Variants in TMCO5A observed in about 807,000 individuals in gnomAD.
TMCO5A encodes the protein transmembrane and coiled-coil domains 5A, also known as transmembrane and coiled-coil domain-containing protein 5A.
In TMCO5A, 34 loss-of-function variants were observed where a neutral mutation model predicts 42.3. That is an observed-to-expected ratio of 0.80 (90% CI 0.61 to 1.07). The LOEUF (loss-of-function observed/expected upper bound fraction) is 1.07. TMCO5A is among the 50% of genes least tolerant of loss of function. The pLI is 0.00. For missense variants in TMCO5A, 357 were observed against 327.9 expected, an observed-to-expected ratio of 1.09 and a Z score of -0.69; for synonymous variants, 131 against 115.6, an observed-to-expected ratio of 1.13 and a Z score of -0.86.
the TMCO5A span, among the ~76,000 whole-genome samples, chr15:38,002,078 A>G: frequency 6.6e-6 from 1 of 152,060 alleles, no homozygotes; most frequent in Non-Finnish European, 1.5e-5. Flanking sequence ...GAGGAAGTGG[A>G]TTTAGCATTT....
chr15:37,980,742 T>C, the TMCO5A span, among the ~76,000 whole-genome samples: 1 of 149,716 alleles, frequency 6.7e-6, no homozygotes, highest in Non-Finnish European at 1.5e-5. Context: ...TCCCACTGGG[T>C]GGCCAATGCT....
At chr15:37,964,978 A>G (rs1003532664) in intron 11 of TMCO5A, among the ~76,000 whole-genome samples, 2 of 152,184 alleles carry the variant, frequency 1.3e-5, no homozygotes, top group Admixed American at 6.6e-5. Context: ...GAAAAAGAAT[A>G]AAACAGGAGG....
At chr15:38,013,310 A>C in the TMCO5A span, among the ~76,000 whole-genome samples, 1 of 150,632 alleles carries the variant, frequency 6.6e-6, no homozygotes, top group Non-Finnish European at 1.5e-5. Context: ...CAAGCACCAC[A>C]GGAAGGAGGG....
the TMCO5A span, among the ~76,000 whole-genome samples, chr15:38,007,151 G>A: frequency 1.3e-5 from 2 of 152,130 alleles, no homozygotes; most frequent in Non-Finnish European, 2.9e-5. Context: ...GCTGAGTTTT[G>A]CCCATGAACC....
chr15:37,963,742 G>A (rs530680743), intron 11 of TMCO5A, among the ~76,000 whole-genome samples: 128 of 152,186 alleles, frequency 8.4e-4, no homozygotes, highest in South Asian at 1.9e-3. Flanking sequence ...CCAATGTTAG[G>A]TGCATATATG....
At chr15:37,998,826 T>G in the TMCO5A span, among the ~76,000 whole-genome samples, 38 of 152,320 alleles carry the variant, frequency 2.5e-4, 2 homozygotes, top group African/African-American at 8.7e-4. Flanking sequence ...TTCCAATCCA[T>G]GAACACGAAA....
At chr15:37,945,301 T>C (rs1447246629) in intron 10 of TMCO5A, among the ~76,000 whole-genome samples, 1 of 152,138 alleles carries the variant, frequency 6.6e-6, no homozygotes, top group Non-Finnish European at 1.5e-5. Flanking sequence ...GTTGATTCCA[T>C]GTATTTGCTA....
At chr15:37,946,992 T>A (rs1455568794) in intron 10 of TMCO5A, among the ~76,000 whole-genome samples, 2 of 152,178 alleles carry the variant, frequency 1.3e-5, no homozygotes, top group Non-Finnish European at 2.9e-5. Flanking sequence ...TGTGGATTTG[T>A]CATATATGAC....
intron 1 of TMCO5A, among the ~76,000 whole-genome samples, 197 bp downstream of exon 1, chr15:37,934,891 G>C (rs1595582015): frequency 6.6e-6 from 1 of 152,084 alleles, no homozygotes; most frequent in East Asian, 1.9e-4. Context: ...TGCCCATGGG[G>C]CTTTATGGAA....
At chr15:38,016,183 C>T in the TMCO5A span, among the ~76,000 whole-genome samples, 1 of 152,274 alleles carries the variant, frequency 6.6e-6, no homozygotes, top group East Asian at 1.9e-4. Flanking sequence ...TGGGAAATCT[C>T]TGCACCTTCT....
At chr15:37,957,005 A>C (rs933220191) in intron 11 of TMCO5A, among the ~76,000 whole-genome samples, 1 of 152,228 alleles carries the variant, frequency 6.6e-6, no homozygotes, top group Admixed American at 6.5e-5. Context: ...GATTATCTCA[A>C]CAGATGCAGA....
Position 37,947,641 on chromosome 15 carries a change from C to A in TMCO5A, c.628-15C>A, listed in dbSNP as rs1234204713. 1 of 1,574,158 alleles carries A rather than the reference C, an allele frequency of 6.4e-7. No individual in the cohort carries two copies. Among genetic ancestry groups the A allele is most frequent in the Non-Finnish European group, 8.7e-7 (1 of 1,150,892 alleles). On this transcript the variant is annotated splice_polypyrimidine_tract_variant and intron_variant, in intron 10 of 11. Transcript: ENST00000319669. ...CCAGAAATTGCTTATTTATCAATAT[C>A]CTTTCTTCTTCCAGGGTACTCCTAC...
the TMCO5A span, among the ~76,000 whole-genome samples, chr15:37,989,189 G>C: frequency 6.6e-6 from 1 of 151,518 alleles, no homozygotes; most frequent in Non-Finnish European, 1.5e-5. Context: ...TTTAATTTCT[G>C]ATTTTAGTAA....
At chr15:37,952,072 C>T (rs1326416998), downstream of TMCO5A, among the ~76,000 whole-genome samples, 1 of 152,138 alleles carries the variant, frequency 6.6e-6, no homozygotes, top group Non-Finnish European at 1.5e-5. Flanking sequence ...CCAGCCCTAG[C>T]TAGAGGAGAA....
At chr15:38,032,168 T>C in the TMCO5A span, among the ~76,000 whole-genome samples, 2 of 152,174 alleles carry the variant, frequency 1.3e-5, no homozygotes, top group African/African-American at 4.8e-5. Context: ...TTGGTTAGGC[T>C]GGTCTCAAAC....
chr15:37,967,000 T>G, exon 12 of TMCO5A: 1 of 281,952 alleles, frequency 3.5e-6, no homozygotes. Flanking sequence ...AGAGGTCTAC[T>G]TCATTGCTAA....
At chr15:37,961,415 C>T (rs929345503) in intron 11 of TMCO5A, among the ~76,000 whole-genome samples, 1 of 152,118 alleles carries the variant, frequency 6.6e-6, no homozygotes, top group Admixed American at 6.5e-5. Flanking sequence ...TATTTTTATA[C>T]CAGTACCATG....
chr15:37,952,418 G>A (rs552507363), downstream of TMCO5A, among the ~76,000 whole-genome samples: 1 of 152,172 alleles, frequency 6.6e-6, no homozygotes, highest in Admixed American at 6.5e-5. Flanking sequence ...GAGTCATGAG[G>A]CCCCCTTTCC....
chr15:38,018,320 T>C, the TMCO5A span, among the ~76,000 whole-genome samples: 5 of 152,190 alleles, frequency 3.3e-5, no homozygotes, highest in Admixed American at 3.3e-4. Flanking sequence ...AAGCAAGAAA[T>C]AGGAGACAAC....
Sources: allele counts gnomAD v4.1 joint callset (sites outside exome capture counted in the v4.1 genomes callset), GRCh38; gene constraint gnomAD v4.1.1; transcripts MANE v1.5; gene names NCBI Gene and HGNC (gene_info 2026-07-23, HGNC 2026-07-21).